The following GABRG3 variants were observed in gnomAD, a reference collection of about 807,000 sequenced individuals.
GABRG3 encodes gamma-aminobutyric acid type A receptor subunit gamma3, also known as gamma-aminobutyric acid receptor subunit gamma-3.
Under a neutral mutation model 48.8 loss-of-function variants are expected in GABRG3, and 25 were observed. The ratio of observed to expected loss-of-function variants is 0.51; its 90% confidence interval spans 0.37 to 0.72. The LOEUF is 0.72. GABRG3 is among the 30% of genes least tolerant of loss of function. The pLI is 0.00. For synonymous variants in GABRG3, 227 were observed against 217.6 expected (o/e 1.04, Z -0.38); for missense variants, 394 against 577.9 (o/e 0.68, Z 3.26).
chr15:27,509,159 T>C (rs1285628711), intron 6 of GABRG3, among the ~76,000 whole-genome samples: 1 of 152,234 alleles, frequency 6.6e-6, no homozygotes, highest in Non-Finnish European at 1.5e-5. Flanking sequence ...CTTTCTTGCA[T>C]GATTTCTGAA....
intron 3 of GABRG3, among the ~76,000 whole-genome samples, chr15:27,306,951 A>G (rs532868564): frequency 1.5e-5 from 2 of 130,458 alleles, no homozygotes; most frequent in Admixed American, 7.9e-5. Flanking sequence ...CATATATAAT[A>G]TAAACATGTT....
chr15:27,377,257 A>G (rs566240448), intron 5 of GABRG3, among the ~76,000 whole-genome samples: 2 of 152,250 alleles, frequency 1.3e-5, no homozygotes, highest in African/African-American at 4.8e-5. Context: ...GGAAGTTCCA[A>G]ACTTTTTCAC....
intron 1 of GABRG3, among the ~76,000 whole-genome samples, chr15:26,972,606 G>A (rs1894867588): frequency 6.6e-6 from 1 of 152,146 alleles, no homozygotes; most frequent in African/African-American, 2.4e-5. Context: ...CCTGGGTCTG[G>A]GAGCTAGAGA....
intron 5 of GABRG3, among the ~76,000 whole-genome samples, chr15:27,459,278 C>T (rs184919384): frequency 4.6e-5 from 7 of 152,340 alleles, no homozygotes; most frequent in Non-Finnish European, 8.8e-5. Flanking sequence ...CCCTGAGCAT[C>T]AAGGTGAGCA....
intron 2 of GABRG3, among the ~76,000 whole-genome samples, chr15:27,016,688 C>A (rs751741445): frequency 6.6e-6 from 1 of 152,108 alleles, no homozygotes; most frequent in African/African-American, 2.4e-5. Context: ...TTCAAATAGT[C>A]TCTTTCCCCC....
At chr15:27,193,188 G>T (rs923643958) in intron 3 of GABRG3, among the ~76,000 whole-genome samples, 3 of 152,222 alleles carry the variant, frequency 2.0e-5, no homozygotes, top group Non-Finnish European at 4.4e-5. Context: ...ACATGAGGAG[G>T]CAGTCTGCCC....
chr15:27,201,388 G>T (rs1343510258), intron 3 of GABRG3, among the ~76,000 whole-genome samples: 1 of 151,310 alleles, frequency 6.6e-6, no homozygotes, highest in Non-Finnish European at 1.5e-5. Context: ...GAAAGAGAGA[G>T]AGAACCACAG....
At chr15:27,387,808 GGAGGGAGGGAGGGAGGGAGAGAGGGAGA>G (rs1895973077) in intron 5 of GABRG3, among the ~76,000 whole-genome samples, 1 of 115,652 alleles carries the variant, frequency 8.6e-6, no homozygotes, top group East Asian at 2.3e-4. Flanking sequence ...AAAGAAGGAG[GGAGGGAGGGAGGGAGGGAGAGAGGGAGA>G]GAGGAAGGGG....
intron 5 of GABRG3, among the ~76,000 whole-genome samples, chr15:27,466,186 C>A (rs192094277): frequency 6.6e-6 from 1 of 152,124 alleles, no homozygotes; most frequent in Non-Finnish European, 1.5e-5. Context: ...AAACAGTGGG[C>A]GAAGGGCTTG....
At chr15:27,424,726 G>C (rs1185566013) in intron 5 of GABRG3, among the ~76,000 whole-genome samples, 4 of 151,872 alleles carry the variant, frequency 2.6e-5, no homozygotes, top group Non-Finnish European at 5.9e-5. Context: ...GCTAATTTTT[G>C]TATTTTTAGT....
At chr15:27,334,977 G>T (rs555989223) in intron 5 of GABRG3, among the ~76,000 whole-genome samples, 2 of 152,300 alleles carry the variant, frequency 1.3e-5, no homozygotes, top group South Asian at 4.1e-4. Context: ...GAAAACACTT[G>T]CAAACCAGAA....
intron 2 of GABRG3, among the ~76,000 whole-genome samples, chr15:27,004,523 A>G (rs1257830586): frequency 9.6e-4 from 124 of 129,184 alleles, no homozygotes; most frequent in African/African-American, 3.2e-3. Context: ...AGGCAGAGAC[A>G]CTCCTCACTT....
rs140027819 is a variant in GABRG3 at position 27,483,497 on chromosome 15, C to T, written c.712+2710C>T. On this transcript the variant is annotated intron_variant, in intron 6 of 9. Coordinates refer to ENST00000615808, the MANE Select transcript of GABRG3 (RefSeq NM_033223.5). ...CAGGTACTGAGGGTTAGGACTCTAA[C>T]ATCTTCAGGTGAATACAATTTAACC... is the stretch of plus-strand genomic sequence containing the variant. 7.7e-4 allele frequency among the ~76,000 whole-genome samples: 117 copies of T among 152,322 alleles called. 1 individual carries two copies. In the East Asian group the frequency reaches 0.022, roughly 29 times the overall value.
chr15:27,275,364 G>A (rs1212465531), intron 3 of GABRG3, among the ~76,000 whole-genome samples: 1 of 151,950 alleles, frequency 6.6e-6, no homozygotes, highest in Non-Finnish European at 1.5e-5. Flanking sequence ...TCTGGCAGGG[G>A]GTAAGACCAG....
At chr15:27,006,468 T>TG (rs1343792356) in intron 2 of GABRG3, among the ~76,000 whole-genome samples, 2 of 152,210 alleles carry the variant, frequency 1.3e-5, no homozygotes, top group African/African-American at 4.8e-5. Flanking sequence ...CCCAAAGTGC[T>TG]GGGATTACAG....
intron 3 of GABRG3, among the ~76,000 whole-genome samples, chr15:27,064,354 C>T (rs1566924968): frequency 6.6e-6 from 1 of 152,144 alleles, no homozygotes; most frequent in South Asian, 2.1e-4. Context: ...GCGGTAAGGC[C>T]TGTGGTTGCG....
At chr15:27,410,661 C>G (rs922688706) in intron 5 of GABRG3, among the ~76,000 whole-genome samples, 1 of 152,076 alleles carries the variant, frequency 6.6e-6, no homozygotes, top group Non-Finnish European at 1.5e-5. Flanking sequence ...TAGTATTTCC[C>G]GTAGAGAAGG....
intron 3 of GABRG3, among the ~76,000 whole-genome samples, chr15:27,287,802 G>C (rs1179558488): frequency 6.7e-6 from 1 of 148,374 alleles, no homozygotes; most frequent in Non-Finnish European, 1.5e-5. Context: ...GCAGTGGCGC[G>C]ATCTCGGCTC....
At chr15:27,459,736 A>T (rs777981524) in intron 5 of GABRG3, among the ~76,000 whole-genome samples, 1 of 152,206 alleles carries the variant, frequency 6.6e-6, no homozygotes, top group South Asian at 2.1e-4. Context: ...TTGCAATTTC[A>T]TGGTTGCGCA....
Sources: gnomAD v4.1 joint callset for allele counts (sites outside exome capture counted in the v4.1 genomes callset) on GRCh38, gnomAD v4.1.1 for gene constraint, MANE v1.5 for transcripts, NCBI Gene and HGNC (gene_info 2026-07-23, HGNC 2026-07-21) for gene names.